The following NRL variants were observed in gnomAD, a reference collection of about 807,000 sequenced individuals.
The protein encoded by NRL is neural retina leucine zipper.
Under a neutral mutation model 12.5 loss-of-function variants are expected in NRL, and 16 were observed. The ratio of observed to expected loss-of-function variants is 1.28; its 90% CI spans 0.87 to 1.95. NRL has a LOEUF of 1.95. Among genes scored for constraint, NRL ranks in the 30% most tolerant of loss-of-function variants. The pLI is 0.00. For synonymous variants in NRL, 142 were observed against 150.9 expected (o/e 0.94, Z 0.43); for missense variants, 314 against 325.8 (o/e 0.96, Z 0.28).
chr14:24,081,617 C>T lies in NRL; in HGVS notation c.382-49G>A, dbSNP rs1242218021. ...CGGGTCAGCGCCAGGTCGCACCCGG[C>T]TCTGCCCTGAGGGCCCGACGCTACC... On this transcript the variant is annotated intron_variant, in intron 2 of 2. Transcript: ENST00000561028. This position sits in a 1 kb window ranked among gnomAD's most constrained non-coding sequence, Gnocchi z 4.4. 1.3e-6 allele frequency: 2 copies of T among 1,550,466 alleles called. No individual in the cohort carries two copies. The highest frequency in any genetic ancestry group is 8.7e-7 in the Non-Finnish European group (1 of 1,148,234).
intron 1 of NRL, among the ~76,000 whole-genome samples, chr14:24,111,287 C>T (rs975652428): frequency 1.3e-5 from 2 of 152,112 alleles, no homozygotes; most frequent in African/African-American, 2.4e-5. Context: ...CTCACTTGTG[C>T]GTTAAGCACT....
At chr14:24,095,081 C>G (rs1469286484) in intron 1 of NRL, 3 of 456,146 alleles carry the variant, frequency 6.6e-6, no homozygotes, top group African/African-American at 4.0e-5. Flanking sequence ...CCCCCAGGCT[C>G]GTCCTGTTTG....
intron 1 of NRL, chr14:24,102,583 C>T: frequency 3.2e-6 from 2 of 620,672 alleles, no homozygotes; most frequent in East Asian, 2.6e-5. Flanking sequence ...ACAACCTGAG[C>T]TCTTGGAGAT....
At chr14:24,101,956 T>C (rs924259379) in intron 1 of NRL, among the ~76,000 whole-genome samples, 1 of 152,140 alleles carries the variant, frequency 6.6e-6, no homozygotes, top group African/African-American at 2.4e-5. Context: ...CCAGGCGCAG[T>C]GGCTCATGCC....
rs759223880 is a variant in NRL at position 24,082,783 on chromosome 14, C to T, written c.66G>A (p.Glu22=). ...YVNDFDLMKF[E]VKREPSEGRP... ...GGCCCTCAGAGGGTTCCCGCTTTACCTCAAACTTCATCAAGTCAAAGTCAT... is the reference window on the plus strand; with the variant it reads ...GGCCCTCAGAGGGTTCCCGCTTTACTTCAAACTTCATCAAGTCAAAGTCAT... The change falls in exon 2 of 3, where the codon GAG becomes GAA. Residue 22 remains glutamate, a synonymous_variant. Transcript: ENST00000561028. The T allele has an allele frequency of 3.7e-6, 6 of 1,614,164 alleles. No homozygotes were observed. In the Admixed American group the frequency reaches 5.0e-5, roughly 13 times the overall value.
Position 24,099,217 on chromosome 14 carries a change from G to C in NRL, c.-28+15505C>G, listed in dbSNP as rs772468236. Reference sequence around the variant, plus strand: ...TCTCGGCTGGCCCGGGATGAGGGCTGGCTGGCAGAGCACATGCTGGTGAGG... The same window carrying C: ...TCTCGGCTGGCCCGGGATGAGGGCTCGCTGGCAGAGCACATGCTGGTGAGG... On this transcript the variant is annotated intron_variant, in intron 1 of 2. Coordinates refer to ENST00000561028, the MANE Select transcript of NRL (RefSeq NM_001354768.3). 1.2e-5 allele frequency: 19 copies of C among 1,597,222 alleles called. 1 individual carries two copies. The South Asian group carries it at 2.0e-4, about 17-fold the overall frequency.
intron 1 of NRL, chr14:24,104,024 C>T (rs942358866): frequency 7.2e-6 from 9 of 1,258,034 alleles, no homozygotes; most frequent in Non-Finnish European, 1.0e-5. Flanking sequence ...GGGAAGGCAC[C>T]TTGCAGAAAA....
chr14:24,081,902 C>T lies in NRL; in HGVS notation c.382-334G>A. ...CCAGGCCCGGGTGTGTCCAGTGGAC[C>T]CGCACCCAGACAGCCCCCAACCCTC... On this transcript the variant is annotated intron_variant, in intron 2 of 2. Coordinates refer to ENST00000561028, the MANE Select transcript of NRL (RefSeq NM_001354768.3). The surrounding 1 kb of genome is among the most constrained non-coding windows in gnomAD (Gnocchi z 4.4). 7.6e-7 allele frequency: 1 copy of T among 1,310,622 alleles called. No homozygotes were observed. Among genetic ancestry groups the T allele is most frequent in the South Asian group, 1.5e-5 (1 of 65,006 alleles). The allele number at this position is 1,310,622 out of a possible 1,614,324, so 81.2% of individuals were successfully genotyped here. A position where few individuals can be genotyped will look rare whatever the true frequency, so the allele number is the denominator to read the frequency against.
intron 1 of NRL, among the ~76,000 whole-genome samples, chr14:24,104,411 C>CGA (rs1357810169): frequency 6.6e-6 from 1 of 150,474 alleles, no homozygotes; most frequent in Non-Finnish European, 1.5e-5. Context: ...GCACAGATCA[C>CGA]GAGGTCAGGG....
chr14:24,104,473 CA>C (rs59451696), intron 1 of NRL, among the ~76,000 whole-genome samples: 21,532 of 119,210 alleles, frequency 0.18, 1,728 homozygotes, highest in East Asian at 0.4. Context: ...ACTAAAAATA[CA>C]AAAAAAAAAA....
At chr14:24,101,709 G>A (rs2037168100) in intron 1 of NRL, among the ~76,000 whole-genome samples, 1 of 152,196 alleles carries the variant, frequency 6.6e-6, no homozygotes. Context: ...GATCACCTGA[G>A]GTCAGGAGTT....
At chr14:24,082,252 C>T (rs949512777) in intron 2 of NRL, among the ~76,000 whole-genome samples, 10 of 152,220 alleles carry the variant, frequency 6.6e-5, no homozygotes, top group African/African-American at 2.4e-4. Flanking sequence ...CCTGCTCCTC[C>T]TGGTTCAGCC....
chr14:24,082,164 G>T, intron 2 of NRL: 1 of 748,730 alleles, frequency 1.3e-6, no homozygotes, highest in Non-Finnish European at 1.6e-6. Flanking sequence ...CACACACCAT[G>T]TATCTGTTTA....
intron 1 of NRL, among the ~76,000 whole-genome samples, chr14:24,088,652 C>CTT (rs549787856): frequency 3.0e-4 from 41 of 137,684 alleles, no homozygotes; most frequent in African/African-American, 8.0e-4. Flanking sequence ...CTGAATTATA[C>CTT]TTTTTTTTTT....
At chr14:24,109,147 A>C (rs1764668966) in intron 1 of NRL, among the ~76,000 whole-genome samples, 1 of 152,226 alleles carries the variant, frequency 6.6e-6, no homozygotes, top group Admixed American at 6.5e-5. Flanking sequence ...CTTTAAGTGC[A>C]ACTGGAGAGA....
intron 1 of NRL, chr14:24,099,225 G>A (rs747219827): frequency 6.3e-7 from 1 of 1,595,404 alleles, no homozygotes; most frequent in Non-Finnish European, 8.5e-7. Flanking sequence ...CTGGCTGGCA[G>A]AGCACATGCT....
rs1193364826 is a variant in NRL, at chr14:24,103,730, G to C, written c.-28+10992C>G. On this transcript the variant is annotated intron_variant, in intron 1 of 2. Transcript: ENST00000561028. ...TAGACTGGATCTGCCGGCGGTTAGA[G>C]GGGGAGGACAGTGCCCGAGAGACAC... 4 of 1,614,134 alleles carry C rather than the reference G, an allele frequency of 2.5e-6. No homozygotes were observed. The Admixed American group carries it at 6.7e-5, about 27-fold the overall frequency.
chr14:24,096,840 T>C (rs2036906592), intron 1 of NRL: 5 of 1,552,176 alleles, frequency 3.2e-6, no homozygotes, highest in Non-Finnish European at 4.4e-6. Context: ...ACCACCTGCC[T>C]TGTCCACTCT....
At chr14:24,087,282 G>A (rs1163730907) in intron 1 of NRL, among the ~76,000 whole-genome samples, 1 of 152,090 alleles carries the variant, frequency 6.6e-6, no homozygotes, top group African/African-American at 2.4e-5. Context: ...TAGAAGGAAG[G>A]GACAGGACAT....
Sources: gnomAD v4.1 joint callset for allele counts (sites outside exome capture counted in the v4.1 genomes callset) on GRCh38, gnomAD v4.1.1 for gene constraint, Gnocchi (gnomAD v3.1) non-coding constraint, MANE v1.5 for transcripts, NCBI Gene and HGNC (gene_info 2026-07-23, HGNC 2026-07-21) for gene names.